Variants in TANK observed in about 807,000 individuals in gnomAD.
The protein encoded by TANK is TRAF family member-associated NF-kappa-B activator.
TANK carries 15 observed loss-of-function variants against 43.6 expected under a neutral mutation model. The ratio of observed to expected loss-of-function variants is 0.34; its 90% CI spans 0.23 to 0.53. The LOEUF is 0.53. Ranked by LOEUF, TANK falls within the 20% of genes least tolerant of loss-of-function variation. The pLI is 0.94. For missense variants in TANK, 417 were observed against 498.6 expected (o/e 0.84, Z 1.56); for synonymous variants, 162 against 178.2 (o/e 0.91, Z 0.73).
At chr2:161,149,614 T>C (rs2105225616) in intron 1 of TANK, among the ~76,000 whole-genome samples, 1 of 152,332 alleles carries the variant, frequency 6.6e-6, no homozygotes, top group South Asian at 2.1e-4. Flanking sequence ...TGTTGTTACC[T>C]GAGGGTTTTT....
intron 2 of TANK, among the ~76,000 whole-genome samples, chr2:161,181,497 C>T (rs1437563280): frequency 6.6e-6 from 1 of 152,064 alleles, no homozygotes; most frequent in African/African-American, 2.4e-5. Context: ...AATTGACTTA[C>T]AGTTCCACAA....
chr2:161,179,068 ACGTACAATG>A (rs1336480662), intron 1 of TANK, among the ~76,000 whole-genome samples: 1 of 152,142 alleles, frequency 6.6e-6, no homozygotes, highest in Non-Finnish European at 1.5e-5. Context: ...TTCTTTTTTA[ACGTACAATG>A]CAACAGTGGC....
chr2:161,203,367 T>TCTCATTGTGCAGTTTG, intron 2 of TANK, 120 bp from the exon 3 acceptor site: 1 of 640,386 alleles, frequency 1.6e-6, no homozygotes, highest in Non-Finnish European at 2.7e-6. Context: ...ATCTCATAAA[T>TCTCATTGTGCAGTTTG]CACAATACCT....
At chr2:161,220,971 T>G (rs1160464458) in intron 4 of TANK, among the ~76,000 whole-genome samples, 2 of 152,226 alleles carry the variant, frequency 1.3e-5, no homozygotes, top group African/African-American at 2.4e-5. Context: ...GAACATATAT[T>G]TTTGATATAA....
chr2:161,200,488 A>ATAT (rs1219149754), intron 2 of TANK: 162 of 972,804 alleles, frequency 1.7e-4, no homozygotes, highest in Non-Finnish European at 2.0e-4. Context: ...TCCCAGTTTG[A>ATAT]TGTAATATTT....
rs550318442 is a variant in TANK, at chr2:161,199,769, C to T, written c.100-3718C>T. 2.0e-5 allele frequency among the ~76,000 whole-genome samples: 3 copies of T among 152,266 alleles called. No homozygotes were observed. The East Asian group carries it at 5.8e-4, about 29-fold the overall frequency. On this transcript the variant is annotated intron_variant, in intron 2 of 7. Coordinates refer to ENST00000392749, the MANE Select transcript of TANK (RefSeq NM_001199135.3). ...TACAAAGTTAACCTTATGGGCCAGG[C>T]ATGGTGGCTCATGCCTGTAATCCCA... is the stretch of plus-strand genomic sequence containing the variant.
chr2:161,228,330 G>A (rs1687734275), intron 6 of TANK, among the ~76,000 whole-genome samples: 1 of 152,104 alleles, frequency 6.6e-6, no homozygotes, highest in Non-Finnish European at 1.5e-5. Context: ...TTGGGAGTTC[G>A]AGACCACCCT....
At chr2:161,178,374 A>G (rs1685261113) in intron 1 of TANK, among the ~76,000 whole-genome samples, 1 of 152,106 alleles carries the variant, frequency 6.6e-6, no homozygotes, top group African/African-American at 2.4e-5. Context: ...GAACCTCAGA[A>G]ATATCTTTCT....
chr2:161,195,801 C>T (rs1285723555), intron 2 of TANK, among the ~76,000 whole-genome samples: 1 of 152,092 alleles, frequency 6.6e-6, no homozygotes, highest in Non-Finnish European at 1.5e-5. Flanking sequence ...ATACTTGGGG[C>T]CAGGCGCAGT....
At chr2:161,169,266 C>G (rs1032770467) in intron 1 of TANK, among the ~76,000 whole-genome samples, 2 of 152,004 alleles carry the variant, frequency 1.3e-5, no homozygotes, top group Non-Finnish European at 2.9e-5. Flanking sequence ...GAATACCTGA[C>G]GTGTCTGAAT....
intron 7 of TANK, among the ~76,000 whole-genome samples, chr2:161,234,752 A>AT (rs1688097090): frequency 6.6e-6 from 1 of 152,248 alleles, no homozygotes; most frequent in Non-Finnish European, 1.5e-5. Flanking sequence ...ATGATTAAAT[A>AT]TTTGTGTTTT....
chr2:161,229,645 A>G (rs1292404572), intron 6 of TANK, among the ~76,000 whole-genome samples: 1 of 152,230 alleles, frequency 6.6e-6, no homozygotes, highest in African/African-American at 2.4e-5. Context: ...GTGCTGTGGC[A>G]AAAGACAGAG....
chr2:161,176,605 G>A (rs918440475), intron 1 of TANK, among the ~76,000 whole-genome samples: 33 of 152,216 alleles, frequency 2.2e-4, no homozygotes, highest in African/African-American at 7.0e-4. Flanking sequence ...GCACCTTCTC[G>A]ATAGAACAGA....
chr2:161,138,003 G>A, intron 1 of TANK: 1 of 639,818 alleles, frequency 1.6e-6, no homozygotes, highest in Non-Finnish European at 1.9e-6. Flanking sequence ...CTCAAGTTTA[G>A]TATTTTTCTC....
chr2:161,139,255 C>T (rs1446188180), intron 1 of TANK, among the ~76,000 whole-genome samples: 1 of 152,168 alleles, frequency 6.6e-6, no homozygotes, highest in Non-Finnish European at 1.5e-5. Context: ...TTTCTGATCT[C>T]AGTGGGAATT....
intron 1 of TANK, among the ~76,000 whole-genome samples, chr2:161,144,495 T>G (rs1293497145): frequency 6.6e-6 from 1 of 152,188 alleles, no homozygotes; most frequent in Non-Finnish European, 1.5e-5. Flanking sequence ...GAGATTCTGG[T>G]ACATCATCTC....
At chr2:161,180,670 C>G (rs1573993961) in intron 2 of TANK, among the ~76,000 whole-genome samples, 1 of 152,096 alleles carries the variant, frequency 6.6e-6, no homozygotes, top group Admixed American at 6.6e-5. Flanking sequence ...CCTACACGTT[C>G]TGTGATTCCC....
intron 4 of TANK, among the ~76,000 whole-genome samples, chr2:161,214,330 T>G (rs149787779): frequency 1.6e-3 from 237 of 152,316 alleles, no homozygotes; most frequent in African/African-American, 5.4e-3. Flanking sequence ...CTCAAATAGT[T>G]GCACAAGTAC....
intron 1 of TANK, among the ~76,000 whole-genome samples, chr2:161,170,153 T>C (rs112544570): frequency 1.3e-5 from 2 of 152,298 alleles, no homozygotes; most frequent in African/African-American, 4.8e-5. Flanking sequence ...TGAAATAGAA[T>C]TAAGATGATT....
Sources: gnomAD v4.1 joint callset for allele counts (sites outside exome capture counted in the v4.1 genomes callset) on GRCh38, gnomAD v4.1.1 for gene constraint, MANE v1.5 for transcripts, NCBI Gene and HGNC (gene_info 2026-07-23, HGNC 2026-07-21) for gene names.